Variants in ULK4 observed in about 807,000 individuals in gnomAD.
ULK4 encodes the protein inactive serine/threonine-protein kinase ULK4.
A neutral mutation model predicts 160.6 loss-of-function variants in ULK4; 133 were observed. The observed-to-expected ratio is 0.83, with a 90% CI of 0.72 to 0.96. ULK4 has a LOEUF of 0.96. ULK4 is among the 40% of genes least tolerant of loss of function. ULK4 has a pLI of 0.00. For missense variants in ULK4, 1,580 were observed against 1,499.5 expected (o/e 1.05, Z -0.89); for synonymous variants, 534 against 539.8 (o/e 0.99, Z 0.15).
Position 41,485,418 on chromosome 3 carries a change from T to A in ULK4, c.3227-22165A>T, listed in dbSNP as rs183495727. Among the ~76,000 whole-genome samples the A allele has an allele frequency of 5.9e-5, 9 of 152,254 alleles. No individual in the cohort carries two copies. The East Asian group carries it at 1.7e-3, about 29-fold the overall frequency. On this transcript the variant is annotated intron_variant, in intron 32 of 36. Coordinates refer to ENST00000301831, the MANE Select transcript of ULK4 (RefSeq NM_017886.4). ...AATCTCTCCCCCAACTACAGAAATA[T>A]AGAAGGCTAAAAAATAAGTAAATAA...
intron 32 of ULK4, among the ~76,000 whole-genome samples, chr3:41,553,629 T>C (rs1795368): frequency 0.51 from 77,626 of 151,938 alleles, 19,945 homozygotes; most frequent in Middle Eastern, 0.57. Flanking sequence ...GGAACTCTTA[T>C]ACACTGTTGT....
chr3:41,954,431 T>C (rs1700416549), intron 2 of ULK4, among the ~76,000 whole-genome samples, 191 bp downstream of exon 2: 1 of 152,074 alleles, frequency 6.6e-6, no homozygotes, highest in Admixed American at 6.6e-5. Context: ...AAAATTAAGT[T>C]AGTCATTACT....
In ULK4 at chr3:41,935,788, T is replaced by G; in HGVS notation, c.378+13A>C. The G allele has an allele frequency of 6.3e-7, 1 of 1,594,196 alleles. No homozygotes were observed. The highest frequency in any genetic ancestry group is 8.5e-7 in the Non-Finnish European group (1 of 1,172,868). ...CAGAAGCAGTTAGAAAATCAAAAACTTTCATGAATTACCTTCCTAGGAGAA... is the reference window on the plus strand; with the variant it reads ...CAGAAGCAGTTAGAAAATCAAAAACGTTCATGAATTACCTTCCTAGGAGAA... On this transcript the variant is annotated intron_variant, in intron 4 of 36. Transcript: ENST00000301831.
chr3:41,570,900 G>T (rs756086646), intron 31 of ULK4, among the ~76,000 whole-genome samples: 1 of 151,972 alleles, frequency 6.6e-6, no homozygotes, highest in Non-Finnish European at 1.5e-5. Context: ...TCTGCAGAGG[G>T]GTATAAAACT....
At chr3:41,284,150 G>T (rs2079416356) in intron 35 of ULK4, among the ~76,000 whole-genome samples, 1 of 152,030 alleles carries the variant, frequency 6.6e-6, no homozygotes, top group Non-Finnish European at 1.5e-5. Flanking sequence ...TCACAATATT[G>T]TGGAAATGAC....
Position 41,882,325 on chromosome 3 carries a change from T to A in ULK4, c.1656+1549A>T, listed in dbSNP as rs924588256. On this transcript the variant is annotated intron_variant, in intron 17 of 36. Coordinates refer to ENST00000301831, the MANE Select transcript of ULK4 (RefSeq NM_017886.4). ...AAATACATAAAATGCCAGGTGGTGA[T>A]ACATGCTGTGAAAAAGATAAAGTAG... The A allele has an allele frequency of 5.7e-6, 4 of 701,706 alleles. No homozygotes were observed. The African/African-American group carries it at 7.0e-5, about 12-fold the overall frequency. 43.5% of individuals were successfully genotyped at this position (701,706 alleles called of 1,614,324 possible). A position where few individuals can be genotyped will look rare whatever the true frequency, so the allele number is the denominator to read the frequency against.
At chr3:41,587,044 C>G (rs1014897899) in intron 31 of ULK4, among the ~76,000 whole-genome samples, 1 of 152,154 alleles carries the variant, frequency 6.6e-6, no homozygotes, top group Non-Finnish European at 1.5e-5. Flanking sequence ...ATCAAAGTGT[C>G]AGCTAGGCAG....
rs558901788 is a variant in ULK4 at position 41,717,849 on chromosome 3, G to T, written c.2334C>A (p.Tyr778Ter). The change falls in exon 23 of 37, where the codon TAC (tyrosine) becomes TAA (stop). Residue 778 changes from tyrosine (Y) to a stop codon, truncating the protein, a stop_gained. Transcript: ENST00000301831. LOFTEE classifies it high-confidence loss of function. ...TGGTCTTTCTGCTGTCTCTCTCGAT[G>T]TACATCACCAGTCTACATACAGGAA... ...LLSCQARLVM[Y>*]IERDSRKTTP... The T allele has an allele frequency of 6.2e-7, 1 of 1,613,998 alleles. No homozygotes were observed. Among genetic ancestry groups the T allele is most frequent in the Non-Finnish European group, 8.5e-7 (1 of 1,179,952 alleles).
chr3:41,448,991 C>T (rs2083366746), intron 34 of ULK4, among the ~76,000 whole-genome samples: 1 of 152,152 alleles, frequency 6.6e-6, no homozygotes, highest in South Asian at 2.1e-4. Flanking sequence ...TTTCTCGGCT[C>T]ACTGCAACCT....
chr3:41,523,924 T>C lies in ULK4; in HGVS notation c.3226+42101A>G, dbSNP rs140581816. On this transcript the variant is annotated intron_variant, in intron 32 of 36. Coordinates refer to ENST00000301831, the MANE Select transcript of ULK4 (RefSeq NM_017886.4). ...ATAAACAAAATGTAGTATATCCATA[T>C]AATAAAAAAAAATTATGCAATCAAA... 6.9e-3 allele frequency among the ~76,000 whole-genome samples: 1,054 copies of C among 152,250 alleles called. 11 individuals carry two copies. Among genetic ancestry groups the C allele is most frequent in the African/African-American group, 0.024 (1,015 of 41,556 alleles).
intron 22 of ULK4, among the ~76,000 whole-genome samples, chr3:41,739,534 G>A (rs921427911): frequency 6.6e-6 from 1 of 151,856 alleles, no homozygotes; most frequent in Non-Finnish European, 1.5e-5. Context: ...TGATTCATGG[G>A]CACTGGGGCT....
intron 34 of ULK4, among the ~76,000 whole-genome samples, chr3:41,412,397 A>G (rs1340606043): frequency 3.1e-5 from 4 of 129,628 alleles, no homozygotes. Context: ...AAATCCCCCA[A>G]GTTTTTTTTT....
chr3:41,755,184 G>A (rs971334965), intron 21 of ULK4, among the ~76,000 whole-genome samples: 1 of 152,088 alleles, frequency 6.6e-6, no homozygotes, highest in African/African-American at 2.4e-5. Flanking sequence ...ATATCAGCAA[G>A]ATGGCTACAG....
chr3:41,769,467 T>G (rs750735525), intron 21 of ULK4, among the ~76,000 whole-genome samples: 36 of 152,208 alleles, frequency 2.4e-4, no homozygotes, highest in Non-Finnish European at 4.6e-4. Flanking sequence ...AGTATTCAGC[T>G]TTGATTGAAA....
intron 21 of ULK4, among the ~76,000 whole-genome samples, chr3:41,763,440 T>G (rs1196489365): frequency 2.0e-5 from 3 of 151,886 alleles, no homozygotes; most frequent in Admixed American, 2.0e-4. Flanking sequence ...AAAGGGGAGA[T>G]AGCAAAGATA....
intron 18 of ULK4, among the ~76,000 whole-genome samples, chr3:41,823,831 T>C (rs1041492566): frequency 6.6e-6 from 1 of 152,148 alleles, no homozygotes; most frequent in Non-Finnish European, 1.5e-5. Context: ...CACATTATCA[T>C]CCCTTTATTC....
At chr3:41,489,203 C>T (rs1342569136) in intron 32 of ULK4, among the ~76,000 whole-genome samples, 1 of 152,130 alleles carries the variant, frequency 6.6e-6, no homozygotes, top group African/African-American at 2.4e-5. Flanking sequence ...ACGACATAGG[C>T]ATGTTTTCTA....
chr3:41,695,738 A>C (rs2036471792), intron 27 of ULK4, among the ~76,000 whole-genome samples: 1 of 152,208 alleles, frequency 6.6e-6, no homozygotes, highest in South Asian at 2.1e-4. Flanking sequence ...TTCCAGTATA[A>C]TAAAATATAT....
chr3:41,683,984 G>A (rs1370088125), intron 27 of ULK4, among the ~76,000 whole-genome samples: 1 of 152,162 alleles, frequency 6.6e-6, no homozygotes, highest in Admixed American at 6.5e-5. Flanking sequence ...CGTCACTCAC[G>A]TCCTGATCCA....
Sources: allele counts gnomAD v4.1 joint callset (sites outside exome capture counted in the v4.1 genomes callset), GRCh38; gene constraint gnomAD v4.1.1; transcripts MANE v1.5; gene names NCBI Gene and HGNC (gene_info 2026-07-23, HGNC 2026-07-21).